PHF11: variants seen among roughly 807,000 people sequenced by gnomAD.
PHF11 encodes the protein PHD finger protein 11.
A neutral mutation model predicts 40.5 loss-of-function variants in PHF11; 38 were observed. The ratio of observed to expected loss-of-function variants is 0.94; its 90% CI spans 0.72 to 1.23. PHF11 has a LOEUF of 1.23. PHF11 is among the 50% of genes most tolerant of loss of function. The probability of loss-of-function intolerance (pLI) is 0.00; values close to 1 mark genes in which losing one functional copy is unlikely to be tolerated. For missense variants in PHF11, 369 were observed against 392.4 expected (o/e 0.94, Z 0.50); for synonymous variants, 127 against 138.2 (o/e 0.92, Z 0.57).
intron 2 of PHF11, among the ~76,000 whole-genome samples, chr13:49,509,645 T>C (rs952934740): frequency 3.4e-4 from 51 of 152,186 alleles, no homozygotes; most frequent in African/African-American, 1.2e-3. Flanking sequence ...GGAGCAGGTT[T>C]TTCCCAGGCC....
chr13:49,501,202 G>A (rs1958904110), intron 1 of PHF11, among the ~76,000 whole-genome samples: 1 of 151,838 alleles, frequency 6.6e-6, no homozygotes, highest in East Asian at 1.9e-4. Context: ...TAGTAGAGAC[G>A]GGGTTTCTCC....
intron 4 of PHF11, among the ~76,000 whole-genome samples, chr13:49,519,080 C>T (rs1420495356): frequency 6.6e-6 from 1 of 152,106 alleles, no homozygotes; most frequent in African/African-American, 2.4e-5. Flanking sequence ...CGTGATCCGC[C>T]CGCCTCGGCC....
chr13:49,521,987 C>CA (rs764862961), intron 5 of PHF11, 56 bp from the exon 6 acceptor site: 566 of 859,628 alleles, frequency 6.6e-4, no homozygotes, highest in East Asian at 4.6e-3. Flanking sequence ...TTCATGTAGT[C>CA]AAACAGTAAT....
chr13:49,501,012 T>TG lies in PHF11; in HGVS notation c.94+4917_94+4918insG, dbSNP rs1311888910. On this transcript the variant is annotated intron_variant, in intron 1 of 9. Coordinates refer to ENST00000378319, the MANE Select transcript of PHF11 (RefSeq NM_001040443.3). ...GTCACCAACTTTTGTTTTTTTTTTT[T>TG]TTTGGTTTTTTTTTTTCTGAAATGG... Among the ~76,000 whole-genome samples the TG allele has an allele frequency of 3.9e-4, 48 of 124,200 alleles. 2 individuals are homozygous for TG. The highest frequency in any genetic ancestry group is 1.8e-3 in the African/African-American group (45 of 25,506). 81.5% of individuals were successfully genotyped at this position (124,200 alleles called of 152,430 possible).
At chr13:49,496,530 G>T in intron 1 of PHF11, 3 of 811,574 alleles carry the variant, frequency 3.7e-6, no homozygotes, top group Non-Finnish European at 4.5e-6. Flanking sequence ...TCACGTTCAC[G>T]GAGGACGTGA....
At chr13:49,525,888 GC>G in intron 8 of PHF11, 1 of 436,676 alleles carries the variant, frequency 2.3e-6, no homozygotes, top group Non-Finnish European at 4.6e-6. Flanking sequence ...AGAATTGGGG[GC>G]CAGGCGCGGT....
At chr13:49,526,251 TGTTGCC>T in intron 8 of PHF11, 130 bp from the exon 9 acceptor site, 1 of 612,096 alleles carries the variant, frequency 1.6e-6, no homozygotes, top group Non-Finnish European at 3.0e-6. Context: ...CTGCTGCTGC[TGTTGCC>T]ATCTAACATT....
chr13:49,504,591 TG>T (rs1433405390), intron 1 of PHF11, among the ~76,000 whole-genome samples: 1 of 101,140 alleles, frequency 9.9e-6, no homozygotes, highest in African/African-American at 5.1e-5. Flanking sequence ...GGGAGGGAGG[TG>T]GGGGGTCAGC....
In PHF11 at chr13:49,522,113, T is replaced by C. The variant is rs758144309; in HGVS notation, c.570+6T>C. ...TCTCAGGCAATCATGTACAGGTAAT[T>C]TGACTTAGTTTTTATAGCTTTGCAT... On this transcript the variant is annotated splice_donor_region_variant and intron_variant, in intron 6 of 9. Coordinates refer to ENST00000378319, the MANE Select transcript of PHF11 (RefSeq NM_001040443.3). The C allele has an allele frequency of 6.8e-7, 1 of 1,475,716 alleles. No homozygotes were observed. The highest frequency in any genetic ancestry group is 1.2e-5 in the South Asian group (1 of 86,030). 91.4% of individuals were successfully genotyped at this position (1,475,716 alleles called of 1,614,324 possible).
At chr13:49,526,347 T>C (rs1566198976) in intron 8 of PHF11, 40 bp from the exon 9 acceptor site, 1 of 1,324,176 alleles carries the variant, frequency 7.6e-7, no homozygotes, top group Middle Eastern at 1.8e-4. Context: ...TTTCTGCCTA[T>C]ACAAACTGTT....
chr13:49,507,853 G>A lies in PHF11; in HGVS notation c.216+1097G>A, dbSNP rs547619981. On this transcript the variant is annotated intron_variant, in intron 2 of 9. Transcript: ENST00000378319. ...TATGCCTTTTAGATAAGGGAACTGA[G>A]CATTCACGGATTTTGGTAGCCTTGG... is the stretch of plus-strand genomic sequence containing the variant. 7.5e-4 allele frequency among the ~76,000 whole-genome samples: 114 copies of A among 152,256 alleles called. 1 individual carries two copies. The highest frequency in any genetic ancestry group is 1.5e-3 in the Non-Finnish European group (102 of 68,024).
intron 8 of PHF11, 92 bp downstream of exon 8, chr13:49,524,308 T>A: frequency 1.0e-6 from 1 of 997,536 alleles, no homozygotes; most frequent in Non-Finnish European, 1.5e-6. Context: ...AAAAGGCCCA[T>A]TTTCTTCCTA....
At chr13:49,519,348 A>G (rs1356338080) in intron 4 of PHF11, among the ~76,000 whole-genome samples, 3 of 152,122 alleles carry the variant, frequency 2.0e-5, no homozygotes, top group Non-Finnish European at 4.4e-5. Context: ...GACCTTAAAC[A>G]CAAGATCAAA....
chr13:49,522,772 T>G (rs1252869420), intron 6 of PHF11, among the ~76,000 whole-genome samples: 11 of 148,970 alleles, frequency 7.4e-5, no homozygotes, highest in Middle Eastern at 3.4e-3. Flanking sequence ...TTTTTGTTTT[T>G]TTTTTTTTTT....
chr13:49,500,972 G>A (rs146049572), intron 1 of PHF11, among the ~76,000 whole-genome samples: 136 of 142,150 alleles, frequency 9.6e-4, no homozygotes, highest in African/African-American at 3.3e-3. Context: ...AGATAGTATC[G>A]CTTTTAATTT....
intron 1 of PHF11, among the ~76,000 whole-genome samples, chr13:49,501,002 TTTTTTTTTTTTTTGG>T (rs1403571257): frequency 1.7e-5 from 2 of 118,472 alleles, no homozygotes; most frequent in Non-Finnish European, 3.3e-5. Flanking sequence ...CAACTTTTGT[TTTTTTTTTTTTTTGG>T]TTTTTTTTTT....
intron 1 of PHF11, chr13:49,497,179 T>C (rs1330447307): frequency 4.7e-6 from 6 of 1,289,612 alleles, no homozygotes; most frequent in African/African-American, 4.5e-5. Context: ...AGCCAATCAG[T>C]TGGATATTTC....
intron 1 of PHF11, among the ~76,000 whole-genome samples, chr13:49,504,028 T>A (rs1164188482): frequency 6.6e-6 from 1 of 152,166 alleles, no homozygotes; most frequent in Non-Finnish European, 1.5e-5. Flanking sequence ...CCAGCCTCCT[T>A]TTTGATTTTT....
chr13:49,519,169 G>GT (rs1036837316), intron 4 of PHF11, among the ~76,000 whole-genome samples: 6 of 152,092 alleles, frequency 3.9e-5, no homozygotes, highest in Admixed American at 2.6e-4. Flanking sequence ...AGCAAGTTCC[G>GT]TAAGTATTTT....
Sources: allele counts gnomAD v4.1 joint callset (sites outside exome capture counted in the v4.1 genomes callset), GRCh38; gene constraint gnomAD v4.1.1; transcripts MANE v1.5; gene names NCBI Gene and HGNC (gene_info 2026-07-23, HGNC 2026-07-21).